The following SEMA3C variants were observed in gnomAD, a reference collection of about 807,000 sequenced individuals.
SEMA3C encodes semaphorin-3C.
Under a neutral mutation model 89.4 loss-of-function variants are expected in SEMA3C, and 47 were observed. The observed-to-expected ratio is 0.53, with a 90% CI of 0.42 to 0.67. The LOEUF (loss-of-function observed/expected upper bound fraction) is 0.67, where lower values mean the gene tolerates loss of function less well. Ranked by LOEUF, SEMA3C falls within the 30% of genes least tolerant of loss-of-function variation. The pLI is 0.00. For missense variants in SEMA3C, 839 were observed against 929.1 expected (o/e 0.90, Z 1.26); for synonymous variants, 310 against 320.2 (o/e 0.97, Z 0.34).
intron 2 of SEMA3C, among the ~76,000 whole-genome samples, chr7:80,835,366 C>G (rs1189342485): frequency 6.6e-6 from 1 of 152,168 alleles, no homozygotes; most frequent in Non-Finnish European, 1.5e-5. Context: ...ACATTCTTCT[C>G]ATCATAAACC....
At chr7:80,805,523 T>C (rs939678198) in intron 7 of SEMA3C, 116 bp downstream of exon 7, 3 of 777,622 alleles carry the variant, frequency 3.9e-6, no homozygotes, top group Non-Finnish European at 5.9e-6. Flanking sequence ...ATTACCATTA[T>C]TCATGTAATA....
chr7:80,825,925 G>C (rs538669340), intron 4 of SEMA3C, among the ~76,000 whole-genome samples: 1 of 152,216 alleles, frequency 6.6e-6, no homozygotes, highest in South Asian at 2.1e-4. Context: ...ATTTGTTTAA[G>C]TGTTTCTTCT....
At chr7:80,880,734 G>A (rs1044069746) in intron 2 of SEMA3C, among the ~76,000 whole-genome samples, 1 of 152,074 alleles carries the variant, frequency 6.6e-6, no homozygotes, top group Non-Finnish European at 1.5e-5. Flanking sequence ...AGATCAGCCT[G>A]GCCACCATGG....
chr7:80,873,763 G>C (rs1199732196), intron 2 of SEMA3C, among the ~76,000 whole-genome samples: 1 of 152,170 alleles, frequency 6.6e-6, no homozygotes, highest in Non-Finnish European at 1.5e-5. Context: ...TCTTTGAATT[G>C]TGGTATGCAA....
At chr7:80,813,609 A>G (rs1157083966) in intron 5 of SEMA3C, among the ~76,000 whole-genome samples, 1 of 152,198 alleles carries the variant, frequency 6.6e-6, no homozygotes. Context: ...TTTGAGGCCA[A>G]TTCTTTGGAT....
chr7:80,773,096 C>T (rs938665864), intron 12 of SEMA3C, among the ~76,000 whole-genome samples: 1 of 152,072 alleles, frequency 6.6e-6, no homozygotes, highest in Non-Finnish European at 1.5e-5. Flanking sequence ...TAGTTGTCTG[C>T]ATTTAATCAA....
intron 2 of SEMA3C, among the ~76,000 whole-genome samples, chr7:80,901,172 C>G (rs148301695): frequency 3.3e-5 from 5 of 152,192 alleles, no homozygotes; most frequent in African/African-American, 1.2e-4. Context: ...AATAATTTTT[C>G]CAGTTGTCAA....
chr7:80,881,209 A>ACTCT (rs959164508), intron 2 of SEMA3C, among the ~76,000 whole-genome samples: 9 of 136,930 alleles, frequency 6.6e-5, no homozygotes, highest in South Asian at 2.3e-4. Context: ...ACACACACAC[A>ACTCT]CTCTCTCTCA....
chr7:80,919,254 G>A (rs1322061846), upstream of SEMA3C: 45 of 985,138 alleles, frequency 4.6e-5, no homozygotes, highest in Non-Finnish European at 5.3e-5. Flanking sequence ...GGGCGGACCG[G>A]GCGGGGCCGA....
At chr7:80,863,725 A>G (rs1228970248) in intron 2 of SEMA3C, among the ~76,000 whole-genome samples, 1 of 148,094 alleles carries the variant, frequency 6.8e-6, no homozygotes, top group Admixed American at 6.8e-5. Context: ...TCACAGATAT[A>G]TATATCACAT....
chr7:80,861,063 G>A (rs55683341), intron 2 of SEMA3C, among the ~76,000 whole-genome samples: 4,707 of 152,094 alleles, frequency 0.031, 123 homozygotes, highest in Non-Finnish European at 0.04. Flanking sequence ...GAGAAAATGA[G>A]AACATACCAA....
chr7:80,844,995 A>AT (rs756430832), intron 2 of SEMA3C, among the ~76,000 whole-genome samples: 5 of 152,042 alleles, frequency 3.3e-5, no homozygotes, highest in Non-Finnish European at 4.4e-5. Context: ...CTTGAGGAGA[A>AT]TTTTCCAAAT....
At chr7:80,853,068 G>C (rs367727526) in intron 2 of SEMA3C, among the ~76,000 whole-genome samples, 2 of 152,050 alleles carry the variant, frequency 1.3e-5, no homozygotes, top group Admixed American at 1.3e-4. Context: ...ACTACAATAA[G>C]ATATTATCTC....
chr7:80,754,947 G>A (rs1335260461), intron 15 of SEMA3C, among the ~76,000 whole-genome samples: 1 of 13,136 alleles, frequency 7.6e-5, no homozygotes, highest in Non-Finnish European at 3.0e-4. Context: ...CTGGCGAATT[G>A]TTTTTTTTTG....
chr7:80,854,620 G>A (rs757078811), intron 2 of SEMA3C, among the ~76,000 whole-genome samples: 16 of 152,130 alleles, frequency 1.1e-4, no homozygotes, highest in South Asian at 2.1e-4. Context: ...CAGGTATACC[G>A]GTGCCTATCA....
At chr7:80,863,965 ACATATAT>A (rs2116009808) in intron 2 of SEMA3C, among the ~76,000 whole-genome samples, 1 of 138,990 alleles carries the variant, frequency 7.2e-6, no homozygotes, top group Non-Finnish European at 1.5e-5. Flanking sequence ...CATGTATATC[ACATATAT>A]ATCACATATA....
At chr7:80,762,789 G>A (rs935870252) in intron 13 of SEMA3C, among the ~76,000 whole-genome samples, 8 of 152,016 alleles carry the variant, frequency 5.3e-5, no homozygotes, top group Admixed American at 3.9e-4. Context: ...CTCCAGCCTG[G>A]GTAACAAGAG....
chr7:80,832,360 T>G (rs1238660727), intron 2 of SEMA3C, among the ~76,000 whole-genome samples: 1 of 152,192 alleles, frequency 6.6e-6, no homozygotes, highest in Non-Finnish European at 1.5e-5. Flanking sequence ...ACTCAAAGTA[T>G]GTTCCACCAG....
intron 11 of SEMA3C, among the ~76,000 whole-genome samples, chr7:80,790,179 G>T (rs1788903502): frequency 6.6e-6 from 1 of 152,106 alleles, no homozygotes; most frequent in Admixed American, 6.6e-5. Context: ...AACTCCTTGG[G>T]AAACTGAGGC....
Sources: gnomAD v4.1 joint callset for allele counts (sites outside exome capture counted in the v4.1 genomes callset) on GRCh38, gnomAD v4.1.1 for gene constraint, MANE v1.5 for transcripts, NCBI Gene and HGNC (gene_info 2026-07-23, HGNC 2026-07-21) for gene names.